Variants in KHDRBS2 observed in about 807,000 individuals in gnomAD.
KHDRBS2 encodes the protein KH domain-containing, RNA-binding, signal transduction-associated protein 2.
In KHDRBS2, 26 loss-of-function variants were observed where a neutral mutation model predicts 44.3. The observed-to-expected ratio is 0.59, with a 90% CI of 0.43 to 0.81. The LOEUF is 0.81. Among genes scored for constraint, KHDRBS2 ranks in the 40% least tolerant of loss-of-function variants. The probability of loss-of-function intolerance (pLI) is 0.00; values close to 1 mark genes in which losing one functional copy is unlikely to be tolerated. For missense variants in KHDRBS2, 476 were observed against 433.1 expected (o/e 1.10, Z -0.88); for synonymous variants, 194 against 151.1 (o/e 1.28, Z -2.08).
rs757142448 is a variant in KHDRBS2 at position 62,222,562 on chromosome 6, A to G, written c.92-45250T>C. On this transcript the variant is annotated intron_variant, in intron 1 of 8. Transcript: ENST00000281156. ...TTATCTCCCACCAGGTCCCTCAAAC[A>G]ACATGTGGGAATTATGGGAGTACAA... is the stretch of plus-strand genomic sequence containing the variant. Among the ~76,000 whole-genome samples, 4 of 152,236 alleles carry G rather than the reference A, an allele frequency of 2.6e-5. No homozygotes were observed. The East Asian group carries it at 7.8e-4, about 30-fold the overall frequency.
chr6:61,834,254 T>G (rs1410703505), intron 6 of KHDRBS2, among the ~76,000 whole-genome samples: 2 of 152,042 alleles, frequency 1.3e-5, no homozygotes, highest in African/African-American at 4.8e-5. Context: ...AAATGAATAC[T>G]TGGCACCTCA....
the KHDRBS2 span, among the ~76,000 whole-genome samples, chr6:61,566,549 C>A: frequency 6.6e-6 from 1 of 152,088 alleles, no homozygotes; most frequent in African/African-American, 2.4e-5. Flanking sequence ...AATCACCACA[C>A]ATAATGAATA....
chr6:61,721,264 T>C (rs950285636), intron 7 of KHDRBS2, among the ~76,000 whole-genome samples: 6 of 152,174 alleles, frequency 3.9e-5, no homozygotes, highest in Non-Finnish European at 8.8e-5. Flanking sequence ...CGACGCGGGC[T>C]CTTTTTTGGT....
chr6:61,754,484 A>G lies in KHDRBS2; in HGVS notation c.811-21720T>C, dbSNP rs183800155. ...TGAGAATCAGGGGTTACAAACCTGG[A>G]CAACAAATCTGTCACACAGAGACAG... On this transcript the variant is annotated intron_variant, in intron 6 of 8. Coordinates refer to ENST00000281156, the MANE Select transcript of KHDRBS2 (RefSeq NM_152688.4). 1.3e-5 allele frequency among the ~76,000 whole-genome samples: 2 copies of G among 152,212 alleles called. 1 individual carries two copies. The highest frequency in any genetic ancestry group is 2.9e-5 in the Non-Finnish European group (2 of 67,996).
chr6:61,703,624 T>G lies in KHDRBS2; in HGVS notation c.894-6371A>C, dbSNP rs370832465. On this transcript the variant is annotated intron_variant, in intron 7 of 8. Coordinates refer to ENST00000281156, the MANE Select transcript of KHDRBS2 (RefSeq NM_152688.4). ...TAGTGCCTTTATTTTTATATCCACTTATGTGTCTATCAAATTATTCTATTA... is the reference window on the plus strand; with the variant it reads ...TAGTGCCTTTATTTTTATATCCACTGATGTGTCTATCAAATTATTCTATTA... 1.5e-4 allele frequency among the ~76,000 whole-genome samples: 23 copies of G among 151,882 alleles called. 1 individual carries two copies. The East Asian group carries it at 2.1e-3, about 14-fold the overall frequency.
intron 1 of KHDRBS2, among the ~76,000 whole-genome samples, chr6:62,215,491 A>C (rs1194204624): frequency 6.6e-6 from 1 of 151,858 alleles, no homozygotes; most frequent in Admixed American, 6.6e-5. Context: ...TGGAGCTTTA[A>C]GTCATTGGAG....
At chr6:62,022,859 T>A (rs1401248800) in intron 3 of KHDRBS2, among the ~76,000 whole-genome samples, 1 of 151,730 alleles carries the variant, frequency 6.6e-6, no homozygotes, top group Non-Finnish European at 1.5e-5. Flanking sequence ...ATTTTTGTTG[T>A]TTTCCTGTTA....
chr6:61,796,864 T>C (rs533938212), intron 6 of KHDRBS2, among the ~76,000 whole-genome samples: 4 of 152,252 alleles, frequency 2.6e-5, no homozygotes, highest in Non-Finnish European at 5.9e-5. Context: ...TATCATGTAG[T>C]ATGAAGACTG....
chr6:61,969,312 C>T (rs1770821700), intron 4 of KHDRBS2, among the ~76,000 whole-genome samples: 1 of 152,044 alleles, frequency 6.6e-6, no homozygotes, highest in African/African-American at 2.4e-5. Flanking sequence ...GTATCACTAA[C>T]ATGCACAGTT....
intron 1 of KHDRBS2, among the ~76,000 whole-genome samples, chr6:62,225,760 T>C (rs1831683244): frequency 6.6e-6 from 1 of 151,766 alleles, no homozygotes; most frequent in South Asian, 2.1e-4. Flanking sequence ...ATTGTTCAAC[T>C]GCCACTTATG....
intron 1 of KHDRBS2, among the ~76,000 whole-genome samples, chr6:62,189,714 G>T (rs1824199634): frequency 6.6e-6 from 1 of 152,098 alleles, no homozygotes; most frequent in South Asian, 2.1e-4. Flanking sequence ...GTAGAGGTTT[G>T]CTGTAGATAG....
intron 8 of KHDRBS2, among the ~76,000 whole-genome samples, chr6:61,685,297 C>G (rs1679938860): frequency 6.6e-6 from 1 of 151,680 alleles, no homozygotes; most frequent in South Asian, 2.1e-4. Context: ...TATTATCTGG[C>G]CTTGTTTCTA....
At chr6:61,562,847 T>A in the KHDRBS2 span, among the ~76,000 whole-genome samples, 3 of 152,178 alleles carry the variant, frequency 2.0e-5, no homozygotes, top group Non-Finnish European at 4.4e-5. Context: ...TTATAAATTA[T>A]TTTTGACAAA....
intron 1 of KHDRBS2, among the ~76,000 whole-genome samples, chr6:62,200,642 A>G (rs1386300343): frequency 3.3e-5 from 5 of 152,144 alleles, no homozygotes; most frequent in Admixed American, 6.6e-5. Flanking sequence ...TGGTGGGACC[A>G]TAAACTAGTT....
At chr6:61,914,342 G>GTAA (rs1289034689) in intron 4 of KHDRBS2, among the ~76,000 whole-genome samples, 7 of 152,076 alleles carry the variant, frequency 4.6e-5, no homozygotes, top group Non-Finnish European at 7.4e-5. Context: ...CTGAATGTGG[G>GTAA]CTTCCCTCTT....
chr6:61,725,013 T>C (rs956807553), intron 7 of KHDRBS2, among the ~76,000 whole-genome samples: 16 of 152,150 alleles, frequency 1.1e-4, no homozygotes, highest in Non-Finnish European at 2.2e-4. Context: ...TATACATTCT[T>C]CTCATCATGA....
intron 2 of KHDRBS2, among the ~76,000 whole-genome samples, chr6:62,107,892 T>G (rs1379490847): frequency 6.6e-6 from 1 of 152,192 alleles, no homozygotes; most frequent in Non-Finnish European, 1.5e-5. Flanking sequence ...GTTAGCCATA[T>G]GTAGAAAGCT....
intron 4 of KHDRBS2, among the ~76,000 whole-genome samples, chr6:61,935,245 A>T (rs911409219): frequency 6.6e-6 from 1 of 152,190 alleles, no homozygotes; most frequent in African/African-American, 2.4e-5. Flanking sequence ...GAATGTAGGA[A>T]AGTATCAGTG....
intron 6 of KHDRBS2, among the ~76,000 whole-genome samples, chr6:61,806,644 AATTT>A (rs1787215829): frequency 4.5e-5 from 1 of 21,984 alleles, no homozygotes; most frequent in Non-Finnish European, 8.1e-5. Context: ...TGATTTCCCA[AATTT>A]CCCAAATAGA....
Sources: gnomAD v4.1 joint callset for allele counts (sites outside exome capture counted in the v4.1 genomes callset) on GRCh38, gnomAD v4.1.1 for gene constraint, MANE v1.5 for transcripts, NCBI Gene and HGNC (gene_info 2026-07-23, HGNC 2026-07-21) for gene names.